Variants in ZSWIM6 observed in about 807,000 individuals in gnomAD.
The protein encoded by ZSWIM6 is zinc finger SWIM domain-containing protein 6.
In ZSWIM6, 9 loss-of-function variants were observed where a neutral mutation model predicts 113.2. The observed-to-expected ratio is 0.08, with a 90% CI of 0.05 to 0.14. The LOEUF (loss-of-function observed/expected upper bound fraction) is 0.14. Among genes scored for constraint, ZSWIM6 ranks in the 10% least tolerant of loss-of-function variants. The pLI is 1.00. For missense variants in ZSWIM6, 1,162 were observed against 1,552.2 expected (o/e 0.75, Z 4.22); for synonymous variants, 611 against 606.5 (o/e 1.01, Z -0.11).
intron 2 of ZSWIM6, among the ~76,000 whole-genome samples, chr5:61,473,273 C>T (rs1580014063): frequency 6.6e-6 from 1 of 152,114 alleles, no homozygotes; most frequent in South Asian, 2.1e-4. Flanking sequence ...GGTTCTTATA[C>T]TTCCTTTAAA....
At chr5:61,419,695 T>G (rs1199930259) in intron 1 of ZSWIM6, among the ~76,000 whole-genome samples, 1 of 152,182 alleles carries the variant, frequency 6.6e-6, no homozygotes, top group African/African-American at 2.4e-5. Flanking sequence ...ACAGCACTGG[T>G]CTAGAATATC....
chr5:61,493,260 C>A (rs1360857480), intron 3 of ZSWIM6, among the ~76,000 whole-genome samples: 1 of 152,136 alleles, frequency 6.6e-6, no homozygotes, highest in African/African-American at 2.4e-5. Context: ...CAAAAACAAC[C>A]CCATCTGAGT....
At chr5:61,451,489 A>G (rs997144297) in intron 1 of ZSWIM6, among the ~76,000 whole-genome samples, 1 of 152,182 alleles carries the variant, frequency 6.6e-6, no homozygotes, top group African/African-American at 2.4e-5. Flanking sequence ...CTAAGTTAAC[A>G]TTGGTCCTGT....
In ZSWIM6 at chr5:61,333,113, C is replaced by T. The variant is rs1180751494; in HGVS notation, c.676+165C>T. Among the ~76,000 whole-genome samples, 7 of 151,750 alleles carry T rather than the reference C, an allele frequency of 4.6e-5. No individual in the cohort carries two copies. In the East Asian group the frequency reaches 8.0e-4, roughly 17 times the overall value. The stretch of plus-strand genomic sequence containing the variant: ...GTCCTCCTGAGCGGAGCGCCCATTT[C>T]CTCCCTCCCTTCCCTGCCCCCCGTC... On this transcript the variant is annotated intron_variant, in intron 1 of 13. Transcript: ENST00000252744.
In ZSWIM6 at chr5:61,524,241, A is replaced by G. The variant is rs146366191; in HGVS notation, c.1514-1559A>G. Among the ~76,000 whole-genome samples the G allele has an allele frequency of 9.2e-5, 14 of 152,148 alleles. No homozygotes were observed. The East Asian group carries it at 2.7e-3, about 30-fold the overall frequency. ...ATTCTGCTCAGCAAAAAGCCCCAAT[A>G]GATTCAAAACGTCCTTAAATGTAGG... is the stretch of plus-strand genomic sequence containing the variant. On this transcript the variant is annotated intron_variant, in intron 5 of 13. Transcript: ENST00000252744.
chr5:61,519,769 C>G lies in ZSWIM6; in HGVS notation c.1334-1494C>G, dbSNP rs771996472. 2.0e-5 allele frequency among the ~76,000 whole-genome samples: 3 copies of G among 152,048 alleles called. No homozygotes were observed. In the South Asian group the frequency reaches 6.2e-4, roughly 32 times the overall value. On this transcript the variant is annotated intron_variant, in intron 4 of 13. Coordinates refer to ENST00000252744, the MANE Select transcript of ZSWIM6 (RefSeq NM_020928.2). ...ATACTCTTACATAGCAGTCCCCAAC[C>G]TTTTTGGCACCAGGGACTGGTTTCA...
intron 1 of ZSWIM6, among the ~76,000 whole-genome samples, chr5:61,434,313 A>G (rs968182769): frequency 2.6e-5 from 4 of 151,456 alleles, no homozygotes; most frequent in African/African-American, 9.7e-5. Context: ...TTTTATTTCA[A>G]TAGTTTTTGG....
At chr5:61,470,694 GAAA>G (rs957160300) in intron 1 of ZSWIM6, among the ~76,000 whole-genome samples, 5 of 150,710 alleles carry the variant, frequency 3.3e-5, no homozygotes, top group African/African-American at 1.2e-4. Flanking sequence ...GAATATTTGT[GAAA>G]AAAAAACCAA....
rs1450533686 is a variant in ZSWIM6 at position 61,332,657 on chromosome 5, A to G, written c.385A>G (p.Thr129Ala). 1.8e-6 allele frequency: 2 copies of G among 1,110,834 alleles called. No homozygotes were observed. Among genetic ancestry groups the G allele is most frequent in the Middle Eastern group, 3.0e-4 (1 of 3,344 alleles). 68.8% of individuals were successfully genotyped at this position (1,110,834 alleles called of 1,614,324 possible). A position where few individuals can be genotyped will look rare whatever the true frequency, so the allele number is the denominator to read the frequency against. ...GATCTGCATGTACTCGTCCTTCAAC[A>G]CCGGCGGCGGCGCCGCGGGCGGCCC... ...REICMYSSFN[T>A]GGGAAGGPGD... Residue 129 changes from threonine to alanine, a missense_variant, in exon 1 of 14, where the codon ACC becomes GCC. Around this residue, in one of 4 missense-constraint regions of ZSWIM6, gnomAD observed 333 missense variants for 293.4 expected, o/e 1.13. Transcript: ENST00000252744.
At chr5:61,526,459 T>C (rs1749286882) in intron 7 of ZSWIM6, 63 bp downstream of exon 7, 5 of 1,533,208 alleles carry the variant, frequency 3.3e-6, no homozygotes, top group Non-Finnish European at 3.5e-6. Flanking sequence ...TACTAGGTTT[T>C]GTGTTCTGGG....
At chr5:61,380,274 C>T (rs1004555747) in intron 1 of ZSWIM6, among the ~76,000 whole-genome samples, 1 of 152,106 alleles carries the variant, frequency 6.6e-6, no homozygotes, top group African/African-American at 2.4e-5. Context: ...CGGGGTTTCG[C>T]CCTGTTGGCC....
intron 1 of ZSWIM6, among the ~76,000 whole-genome samples, chr5:61,344,732 A>G (rs1471604334): frequency 1.3e-5 from 2 of 152,206 alleles, no homozygotes; most frequent in African/African-American, 4.8e-5. Flanking sequence ...CTTAGCTGCT[A>G]TTTTTAGCAT....
At chr5:61,366,751 G>A (rs1048538664) in intron 1 of ZSWIM6, among the ~76,000 whole-genome samples, 2 of 152,066 alleles carry the variant, frequency 1.3e-5, no homozygotes, top group African/African-American at 4.8e-5. Context: ...GCAACATGGT[G>A]AAACCCCATC....
intron 1 of ZSWIM6, among the ~76,000 whole-genome samples, chr5:61,443,899 CAT>C (rs1450015461): frequency 1.3e-5 from 2 of 152,060 alleles, no homozygotes; most frequent in African/African-American, 2.4e-5. Context: ...TTTAATGAAA[CAT>C]AAATCTAATT....
chr5:61,542,626 G>C (rs1379086378), intron 13 of ZSWIM6, among the ~76,000 whole-genome samples: 1 of 152,084 alleles, frequency 6.6e-6, no homozygotes, highest in Non-Finnish European at 1.5e-5. Flanking sequence ...ATATGACACA[G>C]CATATACTAT....
chr5:61,497,819 A>G (rs915964446), intron 4 of ZSWIM6, among the ~76,000 whole-genome samples: 15 of 152,208 alleles, frequency 9.9e-5, no homozygotes, highest in Non-Finnish European at 2.2e-4. Flanking sequence ...CATATTTAGT[A>G]GAATCTATAG....
chr5:61,526,227 A>G (rs988403045), intron 6 of ZSWIM6, 23 bp from the exon 7 acceptor site: 1 of 1,531,426 alleles, frequency 6.5e-7, no homozygotes. Flanking sequence ...TGGCAACTTT[A>G]CCCCCTTGAC....
At chr5:61,375,706 G>C in intron 1 of ZSWIM6, 3 of 1,548,198 alleles carry the variant, frequency 1.9e-6, no homozygotes, top group East Asian at 2.4e-5. Flanking sequence ...GTCAGAATCA[G>C]AGTATATTGA....
intron 1 of ZSWIM6, among the ~76,000 whole-genome samples, chr5:61,463,262 C>A (rs1316346658): frequency 6.6e-6 from 1 of 151,990 alleles, no homozygotes; most frequent in Non-Finnish European, 1.5e-5. Context: ...ATGCTCAGAC[C>A]AGTTTCTGAC....
Sources: allele counts gnomAD v4.1 joint callset (sites outside exome capture counted in the v4.1 genomes callset), GRCh38; gene constraint gnomAD v4.1.1; regional missense constraint gnomAD v4.1.1; transcripts MANE v1.5; gene names NCBI Gene and HGNC (gene_info 2026-07-23, HGNC 2026-07-21).